The following TMEM62 variants were observed in gnomAD, a reference collection of about 807,000 sequenced individuals.
TMEM62 encodes the protein transmembrane protein 62.
In TMEM62, 41 loss-of-function variants were observed where a neutral mutation model predicts 70.4. The observed-to-expected ratio is 0.58, with a 90% CI of 0.45 to 0.76. TMEM62 has a LOEUF of 0.76. Ranked by LOEUF, TMEM62 falls within the 30% of genes least tolerant of loss-of-function variation. TMEM62 has a pLI of 0.00. For synonymous variants in TMEM62, 268 were observed against 291.0 expected (o/e 0.92, Z 0.80); for missense variants, 688 against 788.5 (o/e 0.87, Z 1.53).
intron 11 of TMEM62, among the ~76,000 whole-genome samples, chr15:43,173,403 T>G (rs1049422781): frequency 6.6e-6 from 1 of 152,204 alleles, no homozygotes; most frequent in Non-Finnish European, 1.5e-5. Context: ...CACTTCTGTA[T>G]GCAAAAGCCT....
chr15:43,134,559 G>A (rs1371401091), intron 2 of TMEM62, among the ~76,000 whole-genome samples, 191 bp downstream of exon 2: 4 of 152,192 alleles, frequency 2.6e-5, no homozygotes, highest in Non-Finnish European at 4.4e-5. Context: ...CAAGATCCAG[G>A]CAAAATGATT....
Position 43,140,890 on chromosome 15 carries a change from G to A in TMEM62, c.476+2271G>A, listed in dbSNP as rs111389177. On this transcript the variant is annotated intron_variant, in intron 4 of 13. Coordinates refer to ENST00000260403, the MANE Select transcript of TMEM62 (RefSeq NM_024956.4). The stretch of plus-strand genomic sequence containing the variant: ...ATCAGCAGATCTGTCCCCAGTGGGT[G>A]AGGGATGAATCCATGATGTCATTTG... Among the ~76,000 whole-genome samples, 5 of 152,330 alleles carry A rather than the reference G, an allele frequency of 3.3e-5. 1 individual carries two copies. Among genetic ancestry groups the A allele is most frequent in the African/African-American group, 1.2e-4 (5 of 41,588 alleles).
At position 43,184,592 on chromosome 15, in the gene TMEM62, A is replaced by AT; in HGVS notation, c.*7dup. On this transcript the variant is annotated 3_prime_UTR_variant, in exon 14 of 14. Transcript: ENST00000260403. ...AAAGCCACCTGAGCTCCTGAAGGCC[A>AT]TGTCTCACCACTGGCAGCTGGGCAG... 1 of 1,606,044 alleles carries AT rather than the reference A, an allele frequency of 6.2e-7. No homozygotes were observed. Among genetic ancestry groups the AT allele is most frequent in the Non-Finnish European group, 8.5e-7 (1 of 1,178,724 alleles).
At chr15:43,161,534 T>C (rs2038697156) in intron 10 of TMEM62, among the ~76,000 whole-genome samples, 1 of 152,250 alleles carries the variant, frequency 6.6e-6, no homozygotes, top group African/African-American at 2.4e-5. Flanking sequence ...CACATCTTTC[T>C]TTTATCACAC....
At chr15:43,134,513 A>G (rs2034923129) in intron 2 of TMEM62, 145 bp downstream of exon 2, 1 of 631,044 alleles carries the variant, frequency 1.6e-6, no homozygotes, top group East Asian at 2.8e-5. Flanking sequence ...GAGATTGGAC[A>G]TTCTAACCCC....
intron 2 of TMEM62, 64 bp downstream of exon 2, chr15:43,134,432 C>T: frequency 7.4e-7 from 1 of 1,346,682 alleles, no homozygotes; most frequent in Non-Finnish European, 1.1e-6. Context: ...CTAGCCAGGG[C>T]TGTGGCTTTT....
intron 2 of TMEM62, among the ~76,000 whole-genome samples, chr15:43,134,662 C>T (rs1355079015): frequency 6.6e-6 from 1 of 152,286 alleles, no homozygotes; most frequent in Non-Finnish European, 1.5e-5. Context: ...GGTTTTTGTT[C>T]TTGTTGTTGT....
chr15:43,146,271 C>T (rs1161056205), intron 4 of TMEM62: 2 of 418,148 alleles, frequency 4.8e-6, no homozygotes, highest in East Asian at 3.7e-5. Context: ...ACTTGGTGAA[C>T]TTGTATTTGG....
intron 11 of TMEM62, among the ~76,000 whole-genome samples, chr15:43,175,279 G>T (rs2040603935): frequency 6.6e-6 from 1 of 152,176 alleles, no homozygotes; most frequent in Non-Finnish European, 1.5e-5. Context: ...GCATTATCAG[G>T]CTTTGCATAA....
At chr15:43,168,184 A>AGGGAGAGGGAGG in intron 10 of TMEM62, among the ~76,000 whole-genome samples, 1 of 53,320 alleles carries the variant, frequency 1.9e-5, no homozygotes, top group Non-Finnish European at 3.9e-5. Flanking sequence ...GGAGACGGAG[A>AGGGAGAGGGAGG]GGGAGAGGGA....
intron 13 of TMEM62, 85 bp downstream of exon 13, chr15:43,181,384 G>C (rs886294981): frequency 1.2e-6 from 1 of 850,664 alleles, no homozygotes; most frequent in Non-Finnish European, 2.0e-6. Context: ...CCAAAATCCA[G>C]AATTAAGTAC....
rs751672150 is a variant in TMEM62, at chr15:43,134,380, T to C, written c.292+12T>C. Reference sequence around the variant, plus strand: ...CGTCCTAGCAACAGGTAGGGAGGCTTGCCGTGCTGTGGTGGTGGTCTGTGG... The same window carrying C: ...CGTCCTAGCAACAGGTAGGGAGGCTCGCCGTGCTGTGGTGGTGGTCTGTGG... On this transcript the variant is annotated intron_variant, in intron 2 of 13. Coordinates refer to ENST00000260403, the MANE Select transcript of TMEM62 (RefSeq NM_024956.4). 2 of 1,599,822 alleles carry C rather than the reference T, an allele frequency of 1.3e-6. No homozygotes were observed. The highest frequency in any genetic ancestry group is 1.1e-5 in the South Asian group (1 of 90,758).
At chr15:43,157,854 G>A (rs2038227044) in intron 9 of TMEM62, among the ~76,000 whole-genome samples, 1 of 152,116 alleles carries the variant, frequency 6.6e-6, no homozygotes, top group Non-Finnish European at 1.5e-5. Context: ...AGATAGATAG[G>A]CAGATAGATA....
intron 10 of TMEM62, among the ~76,000 whole-genome samples, chr15:43,163,686 G>A (rs2039031549): frequency 6.6e-6 from 1 of 151,980 alleles, no homozygotes; most frequent in Non-Finnish European, 1.5e-5. Flanking sequence ...GGAGGCTGAG[G>A]CAGGAGAATG....
intron 3 of TMEM62, among the ~76,000 whole-genome samples, chr15:43,137,358 G>A (rs1404727542): frequency 1.3e-5 from 2 of 152,146 alleles, no homozygotes; most frequent in Non-Finnish European, 2.9e-5. Context: ...TATTCTGAGT[G>A]GTATAGAATT....
chr15:43,182,997 A>G (rs1004408895), intron 13 of TMEM62, among the ~76,000 whole-genome samples: 5 of 152,218 alleles, frequency 3.3e-5, no homozygotes, highest in Non-Finnish European at 7.3e-5. Flanking sequence ...ATGGCCACAG[A>G]TGTCTAACAG....
chr15:43,167,194 T>G (rs1398082893), intron 10 of TMEM62, among the ~76,000 whole-genome samples: 6 of 134,610 alleles, frequency 4.5e-5, no homozygotes, highest in Admixed American at 7.3e-5. Context: ...CCCGGACGGG[T>G]CGGCTGGCCG....
chr15:43,154,904 T>G, intron 9 of TMEM62, 73 bp downstream of exon 9: 2 of 1,344,732 alleles, frequency 1.5e-6, no homozygotes, highest in Non-Finnish European at 1.0e-6. Context: ...TTGGAATTTT[T>G]TAGTCAATTG....
chr15:43,135,401 A>G (rs2035068941), intron 2 of TMEM62, 111 bp from the exon 3 acceptor site: 11 of 1,098,958 alleles, frequency 1.0e-5, no homozygotes, highest in Non-Finnish European at 1.2e-5. Flanking sequence ...TTATGCTTAT[A>G]CACGTTGAGT....
Sources: allele counts gnomAD v4.1 joint callset (sites outside exome capture counted in the v4.1 genomes callset), GRCh38; gene constraint gnomAD v4.1.1; transcripts MANE v1.5; gene names NCBI Gene and HGNC (gene_info 2026-07-23, HGNC 2026-07-21).